GHR: variants seen among roughly 807,000 people sequenced by gnomAD.
GHR encodes GH receptor.
GHR carries 35 observed loss-of-function variants against 67.1 expected under a neutral mutation model. The observed-to-expected ratio is 0.52, with a 90% CI of 0.40 to 0.69. The LOEUF is 0.69. GHR is among the 30% of genes least tolerant of loss of function. The pLI is 0.00. For synonymous variants in GHR, 272 were observed against 269.1 expected (o/e 1.01, Z -0.10); for missense variants, 792 against 764.6 (o/e 1.04, Z -0.42).
intron 2 of GHR, among the ~76,000 whole-genome samples, chr5:42,609,874 G>C (rs947886004): frequency 1.3e-5 from 2 of 152,136 alleles, no homozygotes; most frequent in Non-Finnish European, 2.9e-5. Context: ...ATATTCAAGA[G>C]GGTGAAATAA....
At chr5:42,700,826 A>T (rs1352837310) in intron 6 of GHR, among the ~76,000 whole-genome samples, 1 of 152,176 alleles carries the variant, frequency 6.6e-6, no homozygotes. Flanking sequence ...CAATTTTGTC[A>T]TTAGAGGAAA....
intron 2 of GHR, among the ~76,000 whole-genome samples, chr5:42,600,171 G>A (rs1752298553): frequency 6.6e-6 from 1 of 152,186 alleles, no homozygotes; most frequent in African/African-American, 2.4e-5. Context: ...TCACCAGCTA[G>A]CATGGAAGTA....
chr5:42,471,501 C>T (rs1031244890), intron 1 of GHR, among the ~76,000 whole-genome samples: 1 of 152,188 alleles, frequency 6.6e-6, no homozygotes, highest in Non-Finnish European at 1.5e-5. Flanking sequence ...ACATTATGCT[C>T]TCAGAGCATG....
intron 1 of GHR, among the ~76,000 whole-genome samples, chr5:42,425,893 T>A (rs561970964): frequency 6.6e-6 from 1 of 152,330 alleles, no homozygotes; most frequent in South Asian, 2.1e-4. Context: ...AGCCAACACT[T>A]AATGGGCAAA....
At chr5:42,490,589 T>C (rs1337800678) in intron 1 of GHR, among the ~76,000 whole-genome samples, 2 of 152,246 alleles carry the variant, frequency 1.3e-5, no homozygotes, top group African/African-American at 4.8e-5. Flanking sequence ...TTTATCTTTC[T>C]GGACTGAAGT....
chr5:42,489,173 C>T (rs901129972), intron 1 of GHR, among the ~76,000 whole-genome samples: 6 of 152,100 alleles, frequency 3.9e-5, no homozygotes, highest in African/African-American at 1.4e-4. Context: ...ATTTTGTTCT[C>T]GTTCTGTCCT....
At chr5:42,503,400 T>C (rs1297151291) in intron 1 of GHR, among the ~76,000 whole-genome samples, 1 of 152,186 alleles carries the variant, frequency 6.6e-6, no homozygotes, top group Non-Finnish European at 1.5e-5. Context: ...GTGAAAGGCA[T>C]GGGGCTGCAA....
At chr5:42,561,814 G>A (rs1458095632) in intron 1 of GHR, among the ~76,000 whole-genome samples, 1 of 152,120 alleles carries the variant, frequency 6.6e-6, no homozygotes, top group Non-Finnish European at 1.5e-5. Context: ...ATTTAGAGAG[G>A]GATTTTCCCT....
chr5:42,695,434 A>G (rs149349127), intron 5 of GHR, among the ~76,000 whole-genome samples: 221 of 152,302 alleles, frequency 1.5e-3, no homozygotes, highest in African/African-American at 5.2e-3. Context: ...TTACTTCCTA[A>G]TTATTTGATA....
chr5:42,448,759 G>T (rs976625752), intron 1 of GHR, among the ~76,000 whole-genome samples: 8 of 151,922 alleles, frequency 5.3e-5, no homozygotes. Context: ...GAATTTTAAT[G>T]ATTTCAGGTT....
At chr5:42,471,837 A>G (rs1156440101) in intron 1 of GHR, among the ~76,000 whole-genome samples, 2 of 152,312 alleles carry the variant, frequency 1.3e-5, no homozygotes, top group East Asian at 1.9e-4. Context: ...CAACAATATT[A>G]TCACTGCCCA....
chr5:42,703,947 C>T (rs979930591), intron 6 of GHR, among the ~76,000 whole-genome samples: 2 of 151,798 alleles, frequency 1.3e-5, no homozygotes, highest in African/African-American at 4.8e-5. Context: ...TTGTTGAAGT[C>T]TTTAGGGTTT....
Position 42,718,413 on chromosome 5 carries a change from G to T in GHR, c.946-40G>T, listed in dbSNP as rs534763363. 4.8e-6 allele frequency: 7 copies of T among 1,451,812 alleles called. No homozygotes were observed. In the East Asian group the frequency reaches 1.6e-4, roughly 33 times the overall value. The allele number at this position is 1,451,812 out of a possible 1,614,324, so 89.9% of individuals were successfully genotyped here. A position where few individuals can be genotyped will look rare whatever the true frequency, so the allele number is the denominator to read the frequency against. The stretch of plus-strand genomic sequence containing the variant: ...TTGCTAATTCATTTAATTATTATGA[G>T]TTTCTTTTCATAGATCTTCATTTTC... On this transcript the variant is annotated intron_variant, in intron 9 of 9. Coordinates refer to ENST00000230882, the MANE Select transcript of GHR (RefSeq NM_000163.5).
At chr5:42,531,767 A>G (rs1747980938) in intron 1 of GHR, among the ~76,000 whole-genome samples, 2 of 152,182 alleles carry the variant, frequency 1.3e-5, no homozygotes, top group Non-Finnish European at 2.9e-5. Flanking sequence ...ACAATGGCCC[A>G]ATGAAACAAC....
chr5:42,528,231 A>T (rs1293984516), intron 1 of GHR, among the ~76,000 whole-genome samples: 1 of 152,150 alleles, frequency 6.6e-6, no homozygotes, highest in Non-Finnish European at 1.5e-5. Flanking sequence ...GATGGATCTA[A>T]GAAAAATACA....
At chr5:42,518,589 G>A (rs1313761747) in intron 1 of GHR, among the ~76,000 whole-genome samples, 1 of 152,198 alleles carries the variant, frequency 6.6e-6, no homozygotes, top group Non-Finnish European at 1.5e-5. Flanking sequence ...GACCAAAGCA[G>A]AGTGCCCAAC....
intron 1 of GHR, among the ~76,000 whole-genome samples, chr5:42,434,061 C>T (rs1743217186): frequency 6.6e-6 from 1 of 152,074 alleles, no homozygotes; most frequent in African/African-American, 2.4e-5. Context: ...AGTCTGAAAA[C>T]TTCTTTCTTA....
At position 42,672,976 on chromosome 5, in the gene GHR, A is replaced by T. The variant is rs1443580157; in HGVS notation, c.137-15914A>T. Among the ~76,000 whole-genome samples the T allele has an allele frequency of 2.0e-5, 3 of 152,208 alleles. No homozygotes were observed. In the East Asian group the frequency reaches 5.8e-4, roughly 29 times the overall value. On this transcript the variant is annotated intron_variant, in intron 3 of 9. Transcript: ENST00000230882. ...AAAAGAAACCAGCAACAGAGTAAAC[A>T]GCCTACAGAATGGGTGAAAATCTTC...
intron 1 of GHR, among the ~76,000 whole-genome samples, chr5:42,431,721 T>C (rs1206827071): frequency 3.3e-5 from 5 of 152,208 alleles, no homozygotes; most frequent in African/African-American, 1.2e-4. Flanking sequence ...ACTTCTTAGG[T>C]TGTGAATTTG....
Sources: allele counts gnomAD v4.1 joint callset (sites outside exome capture counted in the v4.1 genomes callset), GRCh38; gene constraint gnomAD v4.1.1; transcripts MANE v1.5; gene names NCBI Gene and HGNC (gene_info 2026-07-23, HGNC 2026-07-21).